Variants in ADCYAP1R1 observed in about 807,000 individuals in gnomAD.
ADCYAP1R1 encodes ADCYAP receptor type I.
ADCYAP1R1 carries 44 observed loss-of-function variants against 67.6 expected under a neutral mutation model. The ratio of observed to expected loss-of-function variants is 0.65; its 90% CI spans 0.51 to 0.84. The LOEUF is 0.84. Among genes scored for constraint, ADCYAP1R1 ranks in the 40% least tolerant of loss-of-function variants. The pLI, the probability that ADCYAP1R1 is intolerant of heterozygous loss-of-function variation, is 0.00. For missense variants in ADCYAP1R1, 477 were observed against 587.9 expected, an observed-to-expected ratio of 0.81 and a Z score of 1.95; for synonymous variants, 222 against 219.6, an observed-to-expected ratio of 1.01 and a Z score of -0.10.
chr7:31,104,877 G>T lies in ADCYAP1R1; in HGVS notation c.1186G>T (p.Val396Leu), dbSNP rs754466170. The change falls in exon 15 of 16, where the codon GTG becomes TTG. Residue 396 changes from valine to leucine, a missense_variant. Coordinates refer to ENST00000304166, the MANE Select transcript of ADCYAP1R1 (RefSeq NM_001118.5). ...LGLGSFQGFV[V>L]AVLYCFLNGE... ...TTTTCTCTATTCCCAGGGCTTTGTGGTGGCTGTTCTCTACTGTTTTCTGAA... is the reference window on the plus strand; with the variant it reads ...TTTTCTCTATTCCCAGGGCTTTGTGTTGGCTGTTCTCTACTGTTTTCTGAA... 6.2e-7 allele frequency: 1 copy of T among 1,614,200 alleles called. No homozygotes were observed. Among genetic ancestry groups the T allele is most frequent in the South Asian group, 1.1e-5 (1 of 91,086 alleles).
chr7:31,094,509 G>A (rs561649602), intron 13 of ADCYAP1R1, among the ~76,000 whole-genome samples: 25 of 152,218 alleles, frequency 1.6e-4, no homozygotes, highest in African/African-American at 5.8e-4. Context: ...TTGAGCTCTA[G>A]TGGTCTTGAT....
chr7:31,101,659 G>A (rs1031012538), intron 13 of ADCYAP1R1, among the ~76,000 whole-genome samples: 1 of 152,158 alleles, frequency 6.6e-6, no homozygotes, highest in Non-Finnish European at 1.5e-5. Flanking sequence ...CAAGACCCGA[G>A]CGCCCAAGAG....
At chr7:31,053,053 C>T (rs980394578) in intron 1 of ADCYAP1R1, among the ~76,000 whole-genome samples, 4 of 152,152 alleles carry the variant, frequency 2.6e-5, no homozygotes, top group Admixed American at 6.5e-5. Context: ...CGGAGGGACC[C>T]GGAGGGACAT....
intron 3 of ADCYAP1R1, among the ~76,000 whole-genome samples, chr7:31,075,196 G>T (rs1030916306): frequency 1.3e-5 from 2 of 152,172 alleles, no homozygotes; most frequent in Admixed American, 6.5e-5. Context: ...GCCTCTCGGG[G>T]CAATGGTTCC....
At chr7:31,101,894 C>A (rs1796453051) in intron 13 of ADCYAP1R1, among the ~76,000 whole-genome samples, 1 of 152,220 alleles carries the variant, frequency 6.6e-6, no homozygotes, top group Non-Finnish European at 1.5e-5. Flanking sequence ...TGGCCCTTGT[C>A]TGTGAGCAGG....
intron 3 of ADCYAP1R1, among the ~76,000 whole-genome samples, chr7:31,077,137 A>G (rs1213437856): frequency 6.6e-6 from 1 of 152,028 alleles, no homozygotes; most frequent in Non-Finnish European, 1.5e-5. Flanking sequence ...CCTCCCTCAG[A>G]CTGTAGGCCT....
At position 31,085,488 on chromosome 7, in the gene ADCYAP1R1, C is replaced by G. The variant is rs761946962; in HGVS notation, c.669+46C>G. Reference sequence around the variant, plus strand: ...CATTAGGGCTCTGCCGGGAAGGTCCCGCACCATCCCCTTGGTTCCCCAGGA... The same window carrying G: ...CATTAGGGCTCTGCCGGGAAGGTCCGGCACCATCCCCTTGGTTCCCCAGGA... On this transcript the variant is annotated intron_variant, in intron 9 of 15. Transcript: ENST00000304166. 31 of 1,574,820 alleles carry G rather than the reference C, an allele frequency of 2.0e-5. No homozygotes were observed. In the East Asian group the frequency reaches 6.3e-4, roughly 32 times the overall value.
At chr7:31,055,706 C>T (rs912244129) in intron 1 of ADCYAP1R1, among the ~76,000 whole-genome samples, 2 of 152,118 alleles carry the variant, frequency 1.3e-5, no homozygotes, top group Non-Finnish European at 2.9e-5. Context: ...CCAGCTCCTG[C>T]GATGTAAGGT....
intron 12 of ADCYAP1R1, among the ~76,000 whole-genome samples, chr7:31,088,696 CT>C (rs1795847150): frequency 6.6e-6 from 1 of 152,116 alleles, no homozygotes; most frequent in Admixed American, 6.5e-5. Flanking sequence ...TGGTTCCAGA[CT>C]TTCTATTCTG....
At chr7:31,055,328 AGT>A (rs34731040) in intron 1 of ADCYAP1R1, among the ~76,000 whole-genome samples, 12,940 of 147,884 alleles carry the variant, frequency 0.088, 631 homozygotes, top group African/African-American at 0.13. Context: ...AATGGAGGAA[AGT>A]GTGTGTGTGT....
At chr7:31,056,795 C>A (rs1794266281) in intron 1 of ADCYAP1R1, 1 of 152,340 alleles carries the variant, frequency 6.6e-6, no homozygotes, top group Non-Finnish European at 1.5e-5. Context: ...CCACCCCTGT[C>A]TGGTGGAACA....
chr7:31,101,221 G>A (rs1411992151), intron 13 of ADCYAP1R1, among the ~76,000 whole-genome samples: 1 of 152,194 alleles, frequency 6.6e-6, no homozygotes, highest in Non-Finnish European at 1.5e-5. Context: ...TGTGCTGTGG[G>A]ATGCCCTCAC....
chr7:31,103,474 A>G (rs570758861), intron 14 of ADCYAP1R1, 108 bp downstream of exon 14: 2 of 1,496,520 alleles, frequency 1.3e-6, no homozygotes, highest in East Asian at 4.6e-5. Context: ...AGTGAGTGCT[A>G]GAGTAGAGGT....
At position 31,066,212 on chromosome 7, in the gene ADCYAP1R1, C is replaced by T. The variant is rs141957390; in HGVS notation, c.157+1276C>T. ...GGTGTGGATCACATGGAGGATCAGG[C>T]TGAGGTGGGTCTGGAACCCAGGTGT... On this transcript the variant is annotated intron_variant, in intron 3 of 15. Transcript: ENST00000304166. 4.4e-3 allele frequency among the ~76,000 whole-genome samples: 672 copies of T among 152,262 alleles called. 6 individuals are homozygous for T. Among genetic ancestry groups the T allele is most frequent in the African/African-American group, 0.016 (653 of 41,552 alleles).
In ADCYAP1R1 at chr7:31,052,937, G is replaced by C. The variant is rs536367414; in HGVS notation, c.-72+259G>C. ...AACCCAAGTGTCTGGCGCTGCGCTCGGGGCGGCCGATCGCCGCAGACTGCC... is the reference window on the plus strand; with the variant it reads ...AACCCAAGTGTCTGGCGCTGCGCTCCGGGCGGCCGATCGCCGCAGACTGCC... On this transcript the variant is annotated intron_variant, in intron 1 of 15. Transcript: ENST00000304166. Among the ~76,000 whole-genome samples the C allele has an allele frequency of 3.3e-5, 5 of 152,342 alleles. No individual in the cohort carries two copies. The South Asian group carries it at 1.0e-3, about 32-fold the overall frequency.
chr7:31,080,732 T>A, intron 5 of ADCYAP1R1, 99 bp downstream of exon 5: 2 of 1,312,582 alleles, frequency 1.5e-6, no homozygotes, highest in Non-Finnish European at 2.2e-6. Flanking sequence ...GGGATTGGGG[T>A]GGGGGTGGAG....
intron 13 of ADCYAP1R1, among the ~76,000 whole-genome samples, chr7:31,094,781 T>C (rs896461698): frequency 6.6e-6 from 1 of 152,188 alleles, no homozygotes; most frequent in Non-Finnish European, 1.5e-5. Context: ...AAGAGCTACC[T>C]GTAATTAGCA....
chr7:31,085,649 C>T lies in ADCYAP1R1; in HGVS notation c.669+207C>T, dbSNP rs371055632. Among the ~76,000 whole-genome samples the T allele has an allele frequency of 3.3e-4, 51 of 152,308 alleles. No homozygotes were observed. In the Middle Eastern group the frequency reaches 0.014, roughly 41 times the overall value. ...GATGAGCCAATGTACGACATCACTTCCAGCCAAAATGCTTCCTGTCTCTTG... is the reference window on the plus strand; with the variant it reads ...GATGAGCCAATGTACGACATCACTTTCAGCCAAAATGCTTCCTGTCTCTTG... On this transcript the variant is annotated intron_variant, in intron 9 of 15. Transcript: ENST00000304166.
At chr7:31,069,620 A>G (rs1035667536) in intron 3 of ADCYAP1R1, among the ~76,000 whole-genome samples, 17 of 152,270 alleles carry the variant, frequency 1.1e-4, no homozygotes, top group African/African-American at 4.1e-4. Flanking sequence ...GGGGGGCTCC[A>G]GGGGGATCCA....
Sources: allele counts gnomAD v4.1 joint callset (sites outside exome capture counted in the v4.1 genomes callset), GRCh38; gene constraint gnomAD v4.1.1; transcripts MANE v1.5; gene names NCBI Gene and HGNC (gene_info 2026-07-23, HGNC 2026-07-21).